TTC34: variants seen among roughly 807,000 people sequenced by gnomAD.
TTC34 encodes tetratricopeptide repeat domain 34.
Under a neutral mutation model 40.7 loss-of-function variants are expected in TTC34, and 44 were observed. The observed-to-expected ratio is 1.08, with a 90% CI of 0.85 to 1.39. The LOEUF (loss-of-function observed/expected upper bound fraction) is 1.39. Among genes scored for constraint, TTC34 ranks in the 40% most tolerant of loss-of-function variants. TTC34 has a pLI of 0.00. For synonymous variants in TTC34, 422 were observed against 398.6 expected (o/e 1.06, Z -0.70); for missense variants, 884 against 838.0 (o/e 1.05, Z -0.68).
At chr1:2,641,433 G>C in exon 9 of TTC34, 1 of 1,535,086 alleles carries the variant, frequency 6.5e-7, no homozygotes, top group Non-Finnish European at 8.7e-7. Context: ...TTCAGGCCAC[G>C]GTGGTCGGGG....
chr1:2,700,043 G>C (rs1375502155), intron 6 of TTC34, among the ~76,000 whole-genome samples: 1 of 123,388 alleles, frequency 8.1e-6, no homozygotes, highest in African/African-American at 2.6e-5. Context: ...GCCTGGAGCA[G>C]CGCCCACACC....
At chr1:2,749,074 A>AC (rs1641235264) in intron 6 of TTC34, among the ~76,000 whole-genome samples, 1 of 139,338 alleles carries the variant, frequency 7.2e-6, no homozygotes, top group Non-Finnish European at 1.5e-5. Context: ...CTGGAGCAGC[A>AC]CCCACAACCC....
intron 7 of TTC34, 51 bp from the exon 8 acceptor site, chr1:2,644,529 C>T (rs969298110): frequency 5.9e-5 from 88 of 1,494,848 alleles, no homozygotes; most frequent in Non-Finnish European, 7.7e-5. Context: ...GGCAGAGGTG[C>T]GAGAGAGCTG....
intron 6 of TTC34, among the ~76,000 whole-genome samples, chr1:2,751,611 C>G (rs1464990806): frequency 1.2e-4 from 13 of 108,886 alleles, no homozygotes; most frequent in African/African-American, 3.5e-4. Flanking sequence ...CCCACACCCC[C>G]AGGCGAGCAT....
At chr1:2,644,469 T>C (rs1638978046) in exon 8 of TTC34, 3 of 1,533,132 alleles carry the variant, frequency 2.0e-6, no homozygotes, top group Non-Finnish European at 2.6e-6. Flanking sequence ...GCCAGCTTCC[T>C]CGTAGCTGCC....
chr1:2,685,018 G>A (rs1382285538), intron 6 of TTC34, among the ~76,000 whole-genome samples: 1 of 144,158 alleles, frequency 6.9e-6, no homozygotes, highest in Non-Finnish European at 1.5e-5. Flanking sequence ...GCATCTGACA[G>A]CATGTAACAG....
chr1:2,684,851 T>C (rs544594133), intron 6 of TTC34, among the ~76,000 whole-genome samples: 15 of 108,236 alleles, frequency 1.4e-4, no homozygotes, highest in Admixed American at 7.7e-4. Flanking sequence ...CAGGTGAGCA[T>C]CTGACAGCCT....
intron 2 of TTC34, among the ~76,000 whole-genome samples, chr1:2,799,106 T>TCAGCCTCCCGGCCTCCCGGCCTCC (rs1643745998): frequency 3.5e-5 from 3 of 86,504 alleles, no homozygotes; most frequent in Admixed American, 2.3e-4. Context: ...TTCCAGCCTC[T>TCAGCCTCCCGGCCTCCCGGCCTCC]CAGCCTCCCG....
intron 6 of TTC34, among the ~76,000 whole-genome samples, chr1:2,681,903 C>A (rs1267096539): frequency 9.6e-6 from 1 of 104,502 alleles, no homozygotes; most frequent in Non-Finnish European, 2.1e-5. Context: ...CAACAGCCTG[C>A]ACCACCAGGT....
chr1:2,752,290 C>G (rs1242698233), intron 6 of TTC34, among the ~76,000 whole-genome samples: 1 of 106,804 alleles, frequency 9.4e-6, no homozygotes, highest in African/African-American at 4.5e-5. Context: ...GCACCTTGCA[C>G]CCCCAGGGGA....
exon 3 of TTC34, chr1:2,789,973 G>A (rs976937021): frequency 5.1e-6 from 2 of 392,208 alleles, no homozygotes; most frequent in Non-Finnish European, 9.0e-6. Context: ...CGCCCGCCGC[G>A]TCCCCTGCCA....
intron 2 of TTC34, among the ~76,000 whole-genome samples, chr1:2,793,656 C>T (rs562817914): frequency 5.6e-4 from 86 of 152,296 alleles, no homozygotes; most frequent in Non-Finnish European, 1.3e-4. Context: ...GGTAGGAAAT[C>T]AGTACCCTCC....
intron 2 of TTC34, among the ~76,000 whole-genome samples, chr1:2,797,666 G>C (rs540859470): frequency 3.9e-4 from 59 of 152,228 alleles, no homozygotes; most frequent in Non-Finnish European, 6.8e-4. Flanking sequence ...TCAGGGATCC[G>C]AGGGTGGCAG....
At chr1:2,762,038 G>A (rs1188216785) in intron 6 of TTC34, among the ~76,000 whole-genome samples, 1 of 44,992 alleles carries the variant, frequency 2.2e-5, no homozygotes, top group Non-Finnish European at 3.5e-5. Flanking sequence ...ACAGCCTGGA[G>A]CAGCGCCCAC....
Position 2,645,680 on chromosome 1 carries a change from C to T in TTC34, c.2227-117G>A, listed in dbSNP as rs2100988892. 3.5e-6 allele frequency: 4 copies of T among 1,135,672 alleles called. No homozygotes were observed. In the South Asian group the frequency reaches 6.3e-5, roughly 18 times the overall value. The allele number at this position is 1,135,672 out of a possible 1,614,324, so 70.3% of individuals were successfully genotyped here. On this transcript the variant is annotated intron_variant, in intron 6 of 8. Transcript: ENST00000401095. The surrounding 1 kb of genome is among the most constrained non-coding windows in gnomAD (Gnocchi z 4.7). ...CATTCCCTGATCTTCTCCCTGGGGT[C>T]CTAGAGGGTCTGAACACCCAGCTTC...
chr1:2,787,559 C>G, exon 4 of TTC34: 1 of 1,544,162 alleles, frequency 6.5e-7, no homozygotes, highest in Non-Finnish European at 8.8e-7. Context: ...CCTGGGGCCT[C>G]CGGGATAGGG....
At chr1:2,652,144 A>G (rs1557584507) in intron 6 of TTC34, among the ~76,000 whole-genome samples, 3 of 96,172 alleles carry the variant, frequency 3.1e-5, no homozygotes, top group African/African-American at 4.0e-5. Context: ...AGCATCCGAC[A>G]GCCTGGAACA....
intron 6 of TTC34, among the ~76,000 whole-genome samples, chr1:2,656,347 C>G (rs1212574570): frequency 1.3e-5 from 2 of 149,260 alleles, no homozygotes; most frequent in African/African-American, 2.5e-5. Flanking sequence ...CCCAGGTGAG[C>G]ATCTGACAGC....
chr1:2,789,035 G>T (rs572235933), intron 3 of TTC34, among the ~76,000 whole-genome samples: 115 of 152,192 alleles, frequency 7.6e-4, no homozygotes, highest in African/African-American at 2.6e-3. Flanking sequence ...CCAAGATTGC[G>T]CCATTGCACT....
Sources: allele counts gnomAD v4.1 joint callset (sites outside exome capture counted in the v4.1 genomes callset), GRCh38; gene constraint gnomAD v4.1.1; non-coding constraint Gnocchi (gnomAD v3.1); transcripts MANE v1.5; gene names NCBI Gene and HGNC (gene_info 2026-07-23, HGNC 2026-07-21).